TYW1B: variants seen among roughly 807,000 people sequenced by gnomAD.
TYW1B encodes the protein S-adenosyl-L-methionine-dependent tRNA 4-demethylwyosine synthase TYW1B.
In TYW1B, 73 loss-of-function variants were observed where a neutral mutation model predicts 86.9. The observed-to-expected ratio is 0.84, with a 90% confidence interval of 0.70 to 1.02. The LOEUF is 1.02. TYW1B is among the 50% of genes least tolerant of loss of function. The pLI is 0.00. For synonymous variants in TYW1B, 248 were observed against 292.8 expected (o/e 0.85, Z 1.56); for missense variants, 637 against 827.4 (o/e 0.77, Z 2.82).
chr7:72,695,317 G>A (rs1554451256), intron 10 of TYW1B, among the ~76,000 whole-genome samples: 1 of 152,146 alleles, frequency 6.6e-6, no homozygotes, highest in Non-Finnish European at 1.5e-5. Context: ...TCACACCTAT[G>A]CTTCCATAAG....
rs138618519 is a variant in TYW1B, at chr7:72,745,595, G to A, written c.965-994C>T. ...TAAGATGAGCTTGATTTCAGTACAA[G>A]TGAAAGCAGTGAAGCCTGGGAGGAG... On this transcript the variant is annotated intron_variant, in intron 7 of 13. Coordinates refer to ENST00000620995, the MANE Select transcript of TYW1B (RefSeq NM_001145440.3). Among the ~76,000 whole-genome samples the A allele has an allele frequency of 7.7e-3, 1,173 of 152,032 alleles. 18 individuals are homozygous for A. The highest frequency in any genetic ancestry group is 0.024 in the African/African-American group (975 of 41,458).
chr7:72,800,519 A>G (rs1399206966), intron 6 of TYW1B, among the ~76,000 whole-genome samples: 1 of 152,050 alleles, frequency 6.6e-6, no homozygotes, highest in Non-Finnish European at 1.5e-5. Flanking sequence ...TTATTTTTAG[A>G]GTCCCTTTTA....
At chr7:72,818,692 G>A (rs763237699) in intron 2 of TYW1B, among the ~76,000 whole-genome samples, 1 of 151,218 alleles carries the variant, frequency 6.6e-6, no homozygotes, top group Non-Finnish European at 1.5e-5. Context: ...GAAGTGTAAC[G>A]ACATCTGCTT....
intron 11 of TYW1B, among the ~76,000 whole-genome samples, chr7:72,693,934 G>A (rs1554450897): frequency 6.6e-6 from 1 of 151,610 alleles, no homozygotes. Flanking sequence ...TAGATTATGT[G>A]CAAATACTAT....
rs138226203 is a variant in TYW1B at position 72,586,596 on chromosome 7, G to T, written c.1786-10877C>A. 6.1e-3 allele frequency among the ~76,000 whole-genome samples: 934 copies of T among 152,208 alleles called. 29 individuals are homozygous for T. Among genetic ancestry groups the T allele is most frequent in the Admixed American group, 0.051 (775 of 15,270 alleles). On this transcript the variant is annotated intron_variant, in intron 13 of 13. Coordinates refer to ENST00000620995, the MANE Select transcript of TYW1B (RefSeq NM_001145440.3). ...TACTAAAAATACAAAAATTAGCCAG[G>T]TGTGGTGGTGCATGCCCGTAATCCC... is the stretch of plus-strand genomic sequence containing the variant.
chr7:72,674,156 C>T (rs1284798811), intron 11 of TYW1B, among the ~76,000 whole-genome samples: 1 of 152,120 alleles, frequency 6.6e-6, no homozygotes, highest in African/African-American at 2.4e-5. Context: ...CCCTTAGCCA[C>T]AAGGAGGTAG....
At chr7:72,663,405 C>T (rs1813381992) in intron 11 of TYW1B, among the ~76,000 whole-genome samples, 1 of 151,864 alleles carries the variant, frequency 6.6e-6, no homozygotes. Context: ...TGGAGTGCCC[C>T]CTCCCCCAGT....
intron 5 of TYW1B, among the ~76,000 whole-genome samples, chr7:72,805,448 C>T (rs1447875196): frequency 2.6e-5 from 4 of 150,992 alleles, no homozygotes; most frequent in African/African-American, 4.9e-5. Context: ...TCCATCTCTG[C>T]AAAAAATAGA....
At chr7:72,784,289 G>A (rs1381768412) in intron 6 of TYW1B, among the ~76,000 whole-genome samples, 8 of 152,166 alleles carry the variant, frequency 5.3e-5, no homozygotes, top group Non-Finnish European at 1.2e-4. Flanking sequence ...CCTCCCTGGG[G>A]AAGCAGCCAA....
chr7:72,777,537 C>T lies in TYW1B; in HGVS notation c.847-4G>A. ...CTTCCTGCTGTTCCTTTTCTCTCTG[C>T]ATTAAAATAAAAGAATGAAATCCAG... On this transcript the variant is annotated splice_polypyrimidine_tract_variant and splice_region_variant and intron_variant, in intron 6 of 13. Coordinates refer to ENST00000620995, the MANE Select transcript of TYW1B (RefSeq NM_001145440.3). 1 of 1,613,572 alleles carries T rather than the reference C, an allele frequency of 6.2e-7. No individual in the cohort carries two copies. The highest frequency in any genetic ancestry group is 8.5e-7 in the Non-Finnish European group (1 of 1,179,798).
At chr7:72,634,280 G>A (rs1554440435) in intron 11 of TYW1B, among the ~76,000 whole-genome samples, 1 of 151,506 alleles carries the variant, frequency 6.6e-6, no homozygotes, top group Admixed American at 6.6e-5. Flanking sequence ...CCAGTCTCAA[G>A]GGATCCTCCT....
At chr7:72,640,813 G>A (rs1812783987) in intron 11 of TYW1B, among the ~76,000 whole-genome samples, 1 of 152,050 alleles carries the variant, frequency 6.6e-6, no homozygotes, top group Non-Finnish European at 1.5e-5. Flanking sequence ...AAAGACAAAG[G>A]AGTAAAAGCA....
At chr7:72,793,778 C>T (rs1476963331) in intron 6 of TYW1B, among the ~76,000 whole-genome samples, 15 of 151,780 alleles carry the variant, frequency 9.9e-5, no homozygotes, top group Admixed American at 7.9e-4. Context: ...AAAATGCTCC[C>T]GCAGATCACA....
At chr7:72,681,539 A>T (rs1351514924) in intron 11 of TYW1B, among the ~76,000 whole-genome samples, 4 of 151,970 alleles carry the variant, frequency 2.6e-5, no homozygotes, top group Non-Finnish European at 5.9e-5. Flanking sequence ...AATCCATATT[A>T]AAAAAATATT....
chr7:72,667,198 G>C (rs1813486860), intron 11 of TYW1B, among the ~76,000 whole-genome samples: 1 of 152,182 alleles, frequency 6.6e-6, no homozygotes, highest in Non-Finnish European at 1.5e-5. Context: ...CTCAGTGCCA[G>C]CACCAGCAAG....
chr7:72,613,950 A>G (rs1467015965), intron 13 of TYW1B, among the ~76,000 whole-genome samples: 1 of 145,652 alleles, frequency 6.9e-6, no homozygotes, highest in Non-Finnish European at 1.5e-5. Context: ...ACCATGACCA[A>G]TGCAACATTT....
At chr7:72,787,917 T>C (rs373719532) in intron 6 of TYW1B, among the ~76,000 whole-genome samples, 1 of 152,164 alleles carries the variant, frequency 6.6e-6, no homozygotes, top group Admixed American at 6.5e-5. Flanking sequence ...AACTGTACAT[T>C]TAGATCACCA....
chr7:72,814,540 C>T (rs1788685647), intron 3 of TYW1B, among the ~76,000 whole-genome samples: 1 of 151,624 alleles, frequency 6.6e-6, no homozygotes, highest in African/African-American at 2.4e-5. Context: ...GCCGAGATCG[C>T]GCCACTGCAC....
chr7:72,780,381 C>T (rs1788030900), intron 6 of TYW1B, among the ~76,000 whole-genome samples: 1 of 152,174 alleles, frequency 6.6e-6, no homozygotes, highest in African/African-American at 2.4e-5. Context: ...AATTCCTCTA[C>T]AAATCATGTA....
Sources: gnomAD v4.1 joint callset for allele counts (sites outside exome capture counted in the v4.1 genomes callset) on GRCh38, gnomAD v4.1.1 for gene constraint, MANE v1.5 for transcripts, NCBI Gene and HGNC (gene_info 2026-07-23, HGNC 2026-07-21) for gene names.